Variants in GNAI1 observed in about 807,000 individuals in gnomAD.
GNAI1 encodes guanine nucleotide-binding protein G(i) subunit alpha-1.
Under a neutral mutation model 38.9 loss-of-function variants are expected in GNAI1, and 11 were observed. The ratio of observed to expected loss-of-function variants is 0.28; its 90% CI spans 0.18 to 0.47. GNAI1 has a LOEUF of 0.47. GNAI1 is among the 20% of genes least tolerant of loss of function. The pLI is 0.99. For missense variants in GNAI1, 317 were observed against 436.9 expected (o/e 0.73, Z 2.45); for synonymous variants, 166 against 145.1 (o/e 1.14, Z -1.04).
chr7:80,174,883 C>A (rs1028937430), intron 1 of GNAI1, among the ~76,000 whole-genome samples: 2 of 152,050 alleles, frequency 1.3e-5, no homozygotes, highest in East Asian at 3.9e-4. Flanking sequence ...CTACTGTGCA[C>A]CTGTAATAAA....
At chr7:80,188,150 G>A (rs1788419731) in intron 1 of GNAI1, among the ~76,000 whole-genome samples, 1 of 152,156 alleles carries the variant, frequency 6.6e-6, no homozygotes, top group African/African-American at 2.4e-5. Context: ...TCTGTATTAG[G>A]TTTTTAATAA....
intron 3 of GNAI1, among the ~76,000 whole-genome samples, chr7:80,192,901 G>A (rs1788507230): frequency 6.6e-6 from 1 of 151,932 alleles, no homozygotes; most frequent in South Asian, 2.1e-4. Context: ...GTTTCACCTT[G>A]TTGGCCAGGC....
In GNAI1 at chr7:80,217,561, T is replaced by C. The variant is rs905222456; in HGVS notation, c.*68T>C. On this transcript the variant is annotated 3_prime_UTR_variant, in exon 8 of 8. Coordinates refer to ENST00000649796, the MANE Select transcript of GNAI1 (RefSeq NM_002069.6). The stretch of plus-strand genomic sequence containing the variant: ...TACTTATATATGGATCTCTGTAGAC[T>C]AGAGTCTTGCAGCAACACAGAATGT... The C allele has an allele frequency of 8.4e-6, 7 of 835,728 alleles. No homozygotes were observed. The highest frequency in any genetic ancestry group is 5.2e-5 in the African/African-American group (3 of 57,636). The allele number at this position is 835,728 out of a possible 1,614,324, so 51.8% of individuals were successfully genotyped here. A position where few individuals can be genotyped will look rare whatever the true frequency, so the allele number is the denominator to read the frequency against.
chr7:80,191,942 T>C (rs2115643221), intron 3 of GNAI1, among the ~76,000 whole-genome samples: 1 of 152,322 alleles, frequency 6.6e-6, no homozygotes, highest in South Asian at 2.1e-4. Flanking sequence ...TTTTTCTAGT[T>C]TTTTTCTGAT....
chr7:80,185,561 A>T (rs1475087134), intron 1 of GNAI1, among the ~76,000 whole-genome samples: 1 of 152,102 alleles, frequency 6.6e-6, no homozygotes, highest in African/African-American at 2.4e-5. Context: ...CAAAACCCCT[A>T]AAAACGCTAG....
At chr7:80,209,692 G>A (rs1788840929) in intron 5 of GNAI1, among the ~76,000 whole-genome samples, 1 of 152,166 alleles carries the variant, frequency 6.6e-6, no homozygotes, top group Non-Finnish European at 1.5e-5. Flanking sequence ...TCTAATCAGA[G>A]AAGTTATCTG....
chr7:80,198,143 T>C (rs950207094), intron 3 of GNAI1, among the ~76,000 whole-genome samples: 1 of 151,972 alleles, frequency 6.6e-6, no homozygotes, highest in Non-Finnish European at 1.5e-5. Context: ...GTATGGTAGC[T>C]ACTATCCGCA....
At chr7:80,149,273 T>C (rs956415441) in intron 1 of GNAI1, among the ~76,000 whole-genome samples, 1 of 152,166 alleles carries the variant, frequency 6.6e-6, no homozygotes, top group Non-Finnish European at 1.5e-5. Flanking sequence ...ATGTTGATAA[T>C]TGATGTCGCC....
chr7:80,220,827 G>A lies in GNAI1; in HGVS notation c.*3334G>A, dbSNP rs1291086147. On this transcript the variant is annotated 3_prime_UTR_variant, in exon 8 of 8. Transcript: ENST00000649796. ...ATGTCTGTCAGAGGACCCCAAAGAT[G>A]CTACCTTATTTCCAGAAAATGTGTA... Among the ~76,000 whole-genome samples the A allele has an allele frequency of 6.6e-6, 1 of 152,116 alleles. No homozygotes were observed. Among genetic ancestry groups the A allele is most frequent in the Non-Finnish European group, 1.5e-5 (1 of 68,014 alleles).
At chr7:80,197,609 A>G (rs1788600748) in intron 3 of GNAI1, among the ~76,000 whole-genome samples, 1 of 152,084 alleles carries the variant, frequency 6.6e-6, no homozygotes, top group African/African-American at 2.4e-5. Context: ...GGATAATTGA[A>G]TAATTGTTTA....
chr7:80,214,315 C>G (rs989264688), intron 7 of GNAI1, among the ~76,000 whole-genome samples: 4 of 152,146 alleles, frequency 2.6e-5, no homozygotes, highest in Non-Finnish European at 4.4e-5. Context: ...TACCCAGAGT[C>G]AAGATGGCTT....
chr7:80,189,950 T>C (rs1449583073), intron 3 of GNAI1, among the ~76,000 whole-genome samples: 1 of 151,894 alleles, frequency 6.6e-6, no homozygotes, highest in Admixed American at 6.6e-5. Flanking sequence ...TTCTTTTTTT[T>C]TCTCTTATCT....
chr7:80,201,165 A>G (rs1419353220), intron 4 of GNAI1, among the ~76,000 whole-genome samples: 4 of 152,206 alleles, frequency 2.6e-5, no homozygotes, highest in African/African-American at 7.2e-5. Flanking sequence ...TAGAAAAAAT[A>G]CTTACAGGAA....
chr7:80,179,101 A>G (rs951609316), intron 1 of GNAI1, among the ~76,000 whole-genome samples: 7 of 152,216 alleles, frequency 4.6e-5, no homozygotes, highest in East Asian at 1.9e-4. Context: ...TACTTGTCTT[A>G]CTATTTTGGG....
In GNAI1 at chr7:80,199,200, TA is replaced by T. The variant is rs766388891; in HGVS notation, c.304-19del. ...TATCTCTGACGTATCCCTTTTTACT[TA>T]AAAAATGTCCTTTGAATGTTCAGGA... On this transcript the variant is annotated intron_variant, in intron 3 of 7. Coordinates refer to ENST00000649796, the MANE Select transcript of GNAI1 (RefSeq NM_002069.6). The T allele has an allele frequency of 8.4e-6, 13 of 1,554,444 alleles. No homozygotes were observed. The Admixed American group carries it at 1.1e-4, about 13-fold the overall frequency.
At chr7:80,150,675 G>GT (rs1787707907) in intron 1 of GNAI1, among the ~76,000 whole-genome samples, 1 of 152,146 alleles carries the variant, frequency 6.6e-6, no homozygotes, top group Non-Finnish European at 1.5e-5. Context: ...ACACACAGAT[G>GT]TTTATTATCT....
intron 3 of GNAI1, among the ~76,000 whole-genome samples, chr7:80,191,194 G>A (rs1469960831): frequency 6.6e-6 from 1 of 151,680 alleles, no homozygotes. Flanking sequence ...TCCGTGTTTT[G>A]TGTTACCTAT....
Position 80,225,463 on chromosome 7 carries a change from G to A in GNAI1, c.*7970G>A, listed in dbSNP as rs1159515306. Among the ~76,000 whole-genome samples the A allele has an allele frequency of 2.6e-5, 4 of 151,902 alleles. No homozygotes were observed. The East Asian group carries it at 7.7e-4, about 29-fold the overall frequency. Reference sequence around the variant, plus strand: ...TTTTTTAATGTTGTTATTGTGTTGTGTTTTGTTTTTTTAATATGTTTCAAT... The same window carrying A: ...TTTTTTAATGTTGTTATTGTGTTGTATTTTGTTTTTTTAATATGTTTCAAT... On this transcript the variant is annotated 3_prime_UTR_variant, in exon 8 of 8. Transcript: ENST00000649796.
chr7:80,209,381 A>ATTAC (rs1346310697), intron 5 of GNAI1, among the ~76,000 whole-genome samples: 1 of 152,202 alleles, frequency 6.6e-6, no homozygotes, highest in East Asian at 1.9e-4. Context: ...TGGAGGAAGA[A>ATTAC]TTACATTTTC....
Sources: allele counts gnomAD v4.1 joint callset (sites outside exome capture counted in the v4.1 genomes callset), GRCh38; gene constraint gnomAD v4.1.1; transcripts MANE v1.5; gene names NCBI Gene and HGNC (gene_info 2026-07-23, HGNC 2026-07-21).